The following TERF2IP variants were observed in gnomAD, a reference collection of about 807,000 sequenced individuals.
TERF2IP encodes TERF2 interacting protein.
A neutral mutation model predicts 33.3 loss-of-function variants in TERF2IP; 35 were observed. The observed-to-expected ratio is 1.05, with a 90% CI of 0.80 to 1.39. The LOEUF is 1.39. Among genes scored for constraint, TERF2IP ranks in the 40% most tolerant of loss-of-function variants. The pLI is 0.00. For synonymous variants in TERF2IP, 253 were observed against 223.2 expected (o/e 1.13, Z -1.19); for missense variants, 583 against 524.8 (o/e 1.11, Z -1.08).
At chr16:75,654,473 T>G in intron 2 of TERF2IP, 76 bp downstream of exon 2, 1 of 1,471,654 alleles carries the variant, frequency 6.8e-7, no homozygotes, top group Non-Finnish European at 9.2e-7. Context: ...CTGTACACCT[T>G]TTTCATCTAC....
Position 75,648,191 on chromosome 16 carries a change from C to A in TERF2IP, c.309C>A (p.Pro103=), listed in dbSNP as rs1005356967. Residue 103 remains proline, a synonymous_variant, in exon 1 of 3, where the codon CCC becomes CCA. Transcript: ENST00000300086. The part of the protein sequence containing the change: ...RLELEAYRLG[P]ASAADTGSEA... ...AGCTGGAGGCCTATCGGCTGGGCCC[C>A]GCCTCGGCGGCGGACACCGGCTCGG... is the stretch of plus-strand genomic sequence containing the variant. 8 of 1,551,900 alleles carry A rather than the reference C, an allele frequency of 5.2e-6. No homozygotes were observed. In the African/African-American group the frequency reaches 9.5e-5, roughly 18 times the overall value.
intron 1 of TERF2IP, among the ~76,000 whole-genome samples, chr16:75,653,857 T>C (rs929708590): frequency 2.6e-5 from 4 of 152,182 alleles, no homozygotes; most frequent in African/African-American, 9.7e-5. Flanking sequence ...CCACTCCTGC[T>C]CTTCCACAAA....
At chr16:75,649,057 G>T (rs556512835) in intron 1 of TERF2IP, among the ~76,000 whole-genome samples, 3 of 151,158 alleles carry the variant, frequency 2.0e-5, no homozygotes, top group African/African-American at 4.9e-5. Flanking sequence ...GTAGAGATGG[G>T]GGTCTCGTTG....
In TERF2IP at chr16:75,656,766, A is replaced by G. The variant is rs2082390338; in HGVS notation, c.*155A>G. On this transcript the variant is annotated 3_prime_UTR_variant, in exon 3 of 3. Transcript: ENST00000300086. ...CTGTGAGTCCTAGATTTTTGTAGCCAAGCAGAGTTGTAGAGGGGGATAAAA... is the reference window on the plus strand; with the variant it reads ...CTGTGAGTCCTAGATTTTTGTAGCCGAGCAGAGTTGTAGAGGGGGATAAAA... 2.9e-6 allele frequency: 2 copies of G among 695,680 alleles called. No homozygotes were observed. Among genetic ancestry groups the G allele is most frequent in the Non-Finnish European group, 4.8e-6 (2 of 418,960 alleles). The allele number at this position is 695,680 out of a possible 1,614,324, so 43.1% of individuals were successfully genotyped here.
chr16:75,655,735 T>C (rs2082379664), intron 2 of TERF2IP, among the ~76,000 whole-genome samples: 1 of 152,212 alleles, frequency 6.6e-6, no homozygotes, highest in Non-Finnish European at 1.5e-5. Flanking sequence ...GTACTTACTA[T>C]GTATAGGCAT....
Position 75,647,817 on chromosome 16 carries a change from C to A in TERF2IP, c.-66C>A, listed in dbSNP as rs1597182605. The A allele has an allele frequency of 5.0e-6, 8 of 1,584,806 alleles. No homozygotes were observed. Among genetic ancestry groups the A allele is most frequent in the Non-Finnish European group, 6.9e-6 (8 of 1,157,526 alleles). ...GAGGCGTCTGCGGTGACAGCTCAGT[C>A]AGTTGAGCTCTGTGTGCCAGGCGCT... On this transcript the variant is annotated 5_prime_UTR_variant, in exon 1 of 3. Coordinates refer to ENST00000300086, the MANE Select transcript of TERF2IP (RefSeq NM_018975.4).
chr16:75,648,124 C>A lies in TERF2IP; in HGVS notation c.242C>A (p.Thr81Lys). 3.8e-6 allele frequency: 6 copies of A among 1,558,946 alleles called. No homozygotes were observed. The highest frequency in any genetic ancestry group is 5.2e-6 in the Non-Finnish European group (6 of 1,153,108). Residue 81 changes from threonine to lysine, a missense_variant, in exon 1 of 3, where the codon ACG (threonine) becomes AAG (lysine). Physicochemically the swap from Thr to Lys is moderately conservative, Grantham distance 78. Coordinates refer to ENST00000300086, the MANE Select transcript of TERF2IP (RefSeq NM_018975.4). ...GAGGCCTCGGGTGATTTCATCTCCA[C>A]GCAGTACATCCTGGACTGCGTGGAG... Reference protein sequence around the residue: ...LAEASGDFISTQYILDCVERN... With the variant: ...LAEASGDFISKQYILDCVERN...
chr16:75,649,075 C>G (rs1180653711), intron 1 of TERF2IP, among the ~76,000 whole-genome samples: 1 of 151,654 alleles, frequency 6.6e-6, no homozygotes, highest in African/African-American at 2.4e-5. Context: ...TTGTGTTGCC[C>G]TGACAGGTCT....
chr16:75,649,375 C>G (rs1303348402), intron 1 of TERF2IP, among the ~76,000 whole-genome samples: 2 of 152,034 alleles, frequency 1.3e-5, no homozygotes, highest in East Asian at 3.9e-4. Context: ...GAAATGCCGC[C>G]CCTACTAAAA....
chr16:75,651,859 C>G (rs2082349907), intron 1 of TERF2IP, among the ~76,000 whole-genome samples: 1 of 151,860 alleles, frequency 6.6e-6, no homozygotes, highest in Admixed American at 6.6e-5. Context: ...AGAACAAAAG[C>G]TCCCCAAGTT....
chr16:75,656,072 T>G, intron 2 of TERF2IP, 135 bp from the exon 3 acceptor site: 1 of 812,358 alleles, frequency 1.2e-6, no homozygotes, highest in Non-Finnish European at 2.0e-6. Flanking sequence ...GAACACAGCA[T>G]ATTAAGAGGA....
Position 75,648,345 on chromosome 16 carries a change from C to T in TERF2IP, c.463C>T (p.Pro155Ser), listed in dbSNP as rs747308879. 1 of 1,590,864 alleles carries T rather than the reference C, an allele frequency of 6.3e-7. No individual in the cohort carries two copies. Among genetic ancestry groups the T allele is most frequent in the Non-Finnish European group, 8.6e-7 (1 of 1,169,150 alleles). The change falls in exon 1 of 3, where the codon CCC (proline) becomes TCC (serine). Residue 155 changes from proline to serine, a missense_variant. Physicochemically the swap from Pro to Ser is moderately conservative, Grantham distance 74. Transcript: ENST00000300086. Reference sequence around the variant, plus strand: ...CTACGTGAAGGAAAATGCCCGCTCGCCCAGCTCCGTCACCGGTAACGCCTT... The same window carrying T: ...CTACGTGAAGGAAAATGCCCGCTCGTCCAGCTCCGTCACCGGTAACGCCTT... The part of the protein sequence containing the change: ...LTYVKENARS[P>S]SSVTGNALWK...
chr16:75,655,760 G>C (rs1330397016), intron 2 of TERF2IP, among the ~76,000 whole-genome samples: 1 of 152,180 alleles, frequency 6.6e-6, no homozygotes, highest in Admixed American at 6.5e-5. Context: ...GGGTATTGGA[G>C]ATGTGGTGAT....
In TERF2IP at chr16:75,654,375, C is replaced by G. The variant is rs778476647; in HGVS notation, c.773C>G (p.Thr258Ser). The change falls in exon 2 of 3, where the codon ACC becomes AGC. Residue 258 changes from threonine (T) to serine (S), a missense_variant. Transcript: ENST00000300086. Reference sequence around the variant, plus strand: ...GTCAAAAAGATGCTTGTGGAAGCCACCCGGGAGTTTGAGGAGGTTGTGGTA... The same window carrying G: ...GTCAAAAAGATGCTTGTGGAAGCCAGCCGGGAGTTTGAGGAGGTTGTGGTA... The part of the protein sequence containing the change: ...EAVKKMLVEA[T>S]REFEEVVVDE... 1.9e-6 allele frequency: 3 copies of G among 1,613,712 alleles called. No individual in the cohort carries two copies. The highest frequency in any genetic ancestry group is 1.1e-5 in the South Asian group (1 of 91,076).
At chr16:75,655,540 T>C (rs1474996691) in intron 2 of TERF2IP, among the ~76,000 whole-genome samples, 1 of 152,184 alleles carries the variant, frequency 6.6e-6, no homozygotes, top group Non-Finnish European at 1.5e-5. Flanking sequence ...ATTGGCAGGA[T>C]TTAGGGATTG....
rs1035127637 is a variant in TERF2IP at position 75,648,663 on chromosome 16, C to T, written c.670+111C>T. 6 of 1,436,114 alleles carry T rather than the reference C, an allele frequency of 4.2e-6. No homozygotes were observed. The South Asian group carries it at 5.9e-5, about 14-fold the overall frequency. The allele number at this position is 1,436,114 out of a possible 1,614,324, so 89.0% of individuals were successfully genotyped here. On this transcript the variant is annotated intron_variant, in intron 1 of 2. Coordinates refer to ENST00000300086, the MANE Select transcript of TERF2IP (RefSeq NM_018975.4). ...CATCTTCGGTAGCAGCGCTTGGCCC[C>T]GCCCCCTGTTGACATCCGGGTAAAT...
chr16:75,650,269 C>G (rs2082337426), intron 1 of TERF2IP, among the ~76,000 whole-genome samples: 1 of 152,108 alleles, frequency 6.6e-6, no homozygotes, highest in South Asian at 2.1e-4. Flanking sequence ...GAAGGTCATT[C>G]TCATAAGCTG....
chr16:75,649,377 C>G lies in TERF2IP; in HGVS notation c.670+825C>G, dbSNP rs370653762. The stretch of plus-strand genomic sequence containing the variant: ...TGACCAACATGGCGAAATGCCGCCC[C>G]TACTAAAAATACAAAAATTAGCCGG... On this transcript the variant is annotated intron_variant, in intron 1 of 2. Transcript: ENST00000300086. 3.3e-5 allele frequency among the ~76,000 whole-genome samples: 5 copies of G among 152,168 alleles called. No homozygotes were observed. The East Asian group carries it at 7.7e-4, about 24-fold the overall frequency.
chr16:75,652,435 A>G (rs2082354352), intron 1 of TERF2IP, among the ~76,000 whole-genome samples: 1 of 152,248 alleles, frequency 6.6e-6, no homozygotes, highest in Non-Finnish European at 1.5e-5. Context: ...CAAATACAGA[A>G]TAGTATAATG....
Sources: allele counts gnomAD v4.1 joint callset (sites outside exome capture counted in the v4.1 genomes callset), GRCh38; gene constraint gnomAD v4.1.1; transcripts MANE v1.5; gene names NCBI Gene and HGNC (gene_info 2026-07-23, HGNC 2026-07-21).